GLYATL1: variants seen among roughly 807,000 people sequenced by gnomAD.
The protein encoded by GLYATL1 is glycine-N-acyltransferase like 1.
In GLYATL1, 15 loss-of-function variants were observed where a neutral mutation model predicts 20.0. The ratio of observed to expected loss-of-function variants is 0.75; its 90% confidence interval spans 0.50 to 1.15. The LOEUF (loss-of-function observed/expected upper bound fraction) is 1.15. Among genes scored for constraint, GLYATL1 ranks in the 50% most tolerant of loss-of-function variants. The probability of loss-of-function intolerance (pLI) is 0.00; values close to 1 mark genes in which losing one functional copy is unlikely to be tolerated. For missense variants in GLYATL1, 380 were observed against 368.5 expected (o/e 1.03, Z -0.26); for synonymous variants, 151 against 131.5 (o/e 1.15, Z -1.01).
downstream of GLYATL1, among the ~76,000 whole-genome samples, chr11:58,910,380 C>T (rs192750218): frequency 7.2e-4 from 110 of 152,166 alleles, 1 homozygote; most frequent in African/African-American, 2.6e-3. Flanking sequence ...CTATTTTGTT[C>T]AAGACAGTTG....
At chr11:58,924,460 T>G (rs1243536775), upstream of GLYATL1, among the ~76,000 whole-genome samples, 2 of 152,330 alleles carry the variant, frequency 1.3e-5, no homozygotes, top group Non-Finnish European at 2.9e-5. Flanking sequence ...TATTACAAGC[T>G]ATGTAACATT....
intron 1 of GLYATL1, among the ~76,000 whole-genome samples, chr11:58,932,840 G>C (rs1201471772): frequency 6.6e-6 from 1 of 152,166 alleles, no homozygotes; most frequent in African/African-American, 2.4e-5. Context: ...CTTAGTGGTT[G>C]TCCTTGAGAA....
chr11:58,928,603 A>G (rs1424808749), intron 1 of GLYATL1: 1 of 152,206 alleles, frequency 6.6e-6, no homozygotes, highest in Non-Finnish European at 1.5e-5. Context: ...CGACGGATGA[A>G]TAAAATGTAC....
intron 2 of GLYATL1, among the ~76,000 whole-genome samples, chr11:58,946,313 T>C (rs1420842467): frequency 6.6e-6 from 1 of 152,224 alleles, no homozygotes; most frequent in Non-Finnish European, 1.5e-5. Flanking sequence ...TCCAAAGTTG[T>C]GAGAAAACAC....
chr11:58,939,473 A>G (rs1332234273), upstream of GLYATL1: 1 of 152,350 alleles, frequency 6.6e-6, no homozygotes, highest in Non-Finnish European at 1.5e-5. Flanking sequence ...TTTCCCGACC[A>G]GGAACACTTT....
At chr11:58,911,764 A>G (rs947455886), downstream of GLYATL1, among the ~76,000 whole-genome samples, 3 of 152,088 alleles carry the variant, frequency 2.0e-5, no homozygotes, top group Non-Finnish European at 4.4e-5. Flanking sequence ...TTATCTCTCC[A>G]TGGCTTGTCT....
chr11:58,944,044 G>A (rs1856384397), intron 2 of GLYATL1, among the ~76,000 whole-genome samples: 1 of 151,608 alleles, frequency 6.6e-6, no homozygotes, highest in South Asian at 2.1e-4. Flanking sequence ...CAATATTTTA[G>A]ATAAAAATGG....
At chr11:58,955,094 C>A in intron 5 of GLYATL1, 82 bp from the exon 6 acceptor site, 1 of 1,355,934 alleles carries the variant, frequency 7.4e-7, no homozygotes, top group Non-Finnish European at 1.0e-6. Flanking sequence ...AACTACTAAG[C>A]ACTGAGGTAT....
Position 58,954,809 on chromosome 11 carries a change from C to T in GLYATL1, c.226C>T (p.Arg76Cys), listed in dbSNP as rs151204927. ...DDMDSYTNVY[R>C]MFSKEPQKSE... The stretch of plus-strand genomic sequence containing the variant: ...CATGGATTCATACACAAACGTATAT[C>T]GTATGTTCTCCAAAGAGCCTCAAAA... The change falls in exon 5 of 7, where the codon CGT becomes TGT. Residue 76 changes from arginine to cysteine, a missense_variant. Coordinates refer to ENST00000532726, the MANE Select transcript of GLYATL1 (RefSeq NM_001389712.2). 18 of 1,612,084 alleles carry T rather than the reference C, an allele frequency of 1.1e-5. No homozygotes were observed. The highest frequency in any genetic ancestry group is 4.0e-5 in the African/African-American group (3 of 74,852).
upstream of GLYATL1, among the ~76,000 whole-genome samples, chr11:58,938,984 C>A (rs1213799912): frequency 6.6e-6 from 1 of 152,188 alleles, no homozygotes; most frequent in Non-Finnish European, 1.5e-5. Flanking sequence ...AGACTTGAGG[C>A]CGACTGGAGC....
chr11:58,947,400 C>T (rs1856650348), intron 3 of GLYATL1: 1 of 565,360 alleles, frequency 1.8e-6, no homozygotes, highest in Admixed American at 3.3e-5. Flanking sequence ...AGCATGGTGG[C>T]TACGAACATG....
chr11:58,945,612 A>T (rs1856513498), intron 2 of GLYATL1, among the ~76,000 whole-genome samples: 1 of 152,152 alleles, frequency 6.6e-6, no homozygotes, highest in Non-Finnish European at 1.5e-5. Flanking sequence ...AACTTTTAAA[A>T]TCTTGACCAA....
chr11:58,937,065 G>GT (rs1160435945), upstream of GLYATL1, among the ~76,000 whole-genome samples: 3 of 152,120 alleles, frequency 2.0e-5, no homozygotes, highest in Non-Finnish European at 4.4e-5. Flanking sequence ...ATTTAAGTTG[G>GT]TGCTGTCAGT....
intron 1 of GLYATL1, among the ~76,000 whole-genome samples, chr11:58,942,069 A>G (rs2135183223): frequency 6.6e-6 from 1 of 152,328 alleles, no homozygotes; most frequent in Non-Finnish European, 1.5e-5. Context: ...GACTCATTCA[A>G]CAGGGAGAAT....
chr11:58,950,565 A>G (rs1447702638), intron 4 of GLYATL1, among the ~76,000 whole-genome samples: 1 of 152,152 alleles, frequency 6.6e-6, no homozygotes, highest in Non-Finnish European at 1.5e-5. Context: ...TATCCTGGAA[A>G]TTTTTCTCAG....
intron 1 of GLYATL1, among the ~76,000 whole-genome samples, chr11:58,916,227 C>G (rs1855168802): frequency 6.6e-6 from 1 of 152,160 alleles, no homozygotes; most frequent in Non-Finnish European, 1.5e-5. Flanking sequence ...TTCTGTAGTG[C>G]CTCCTTAAGA....
At chr11:58,915,270 G>A (rs555128550) in intron 1 of GLYATL1, among the ~76,000 whole-genome samples, 7 of 152,172 alleles carry the variant, frequency 4.6e-5, no homozygotes, top group Non-Finnish European at 8.8e-5. Context: ...TTTAATTCTA[G>A]ACAGTCTCCT....
intron 3 of GLYATL1, chr11:58,947,590 A>G: frequency 2.0e-6 from 1 of 497,246 alleles, no homozygotes; most frequent in Non-Finnish European, 3.6e-6. Context: ...TCTATACAAT[A>G]TAAATGCTAA....
Position 58,954,069 on chromosome 11 carries a change from G to A in GLYATL1, c.187-701G>A, listed in dbSNP as rs117353664. On this transcript the variant is annotated intron_variant, in intron 4 of 6. Transcript: ENST00000532726. ...TAAAGCCAGTGTCACTTTTCAAATA[G>A]GCTGATATCCTGTAGGCTTGAGAAA... 6.5e-3 allele frequency among the ~76,000 whole-genome samples: 994 copies of A among 152,236 alleles called. 1 individual carries two copies. Among genetic ancestry groups the A allele is most frequent in the Non-Finnish European group, 0.01 (692 of 68,024 alleles).
Sources: gnomAD v4.1 joint callset for allele counts (sites outside exome capture counted in the v4.1 genomes callset) on GRCh38, gnomAD v4.1.1 for gene constraint, MANE v1.5 for transcripts, NCBI Gene and HGNC (gene_info 2026-07-23, HGNC 2026-07-21) for gene names.